Variants in KIF14 observed in about 807,000 individuals in gnomAD.
KIF14 encodes kinesin family member 14.
Under a neutral mutation model 176.2 loss-of-function variants are expected in KIF14, and 98 were observed. The observed-to-expected ratio is 0.56, with a 90% CI of 0.47 to 0.66. The LOEUF (loss-of-function observed/expected upper bound fraction) is 0.66, where lower values mean the gene tolerates loss of function less well. KIF14 is among the 30% of genes least tolerant of loss of function. The probability of loss-of-function intolerance (pLI) is 0.00; values close to 1 mark genes in which losing one functional copy is unlikely to be tolerated. For missense variants in KIF14, 1,751 were observed against 1,920.4 expected, an observed-to-expected ratio of 0.91 and a Z score of 1.65; for synonymous variants, 566 against 632.2, an observed-to-expected ratio of 0.90 and a Z score of 1.57.
At chr1:200,608,367 C>CTT (rs200778779) in intron 5 of KIF14, among the ~76,000 whole-genome samples, 240 of 141,050 alleles carry the variant, frequency 1.7e-3, no homozygotes, top group South Asian at 9.1e-3. Flanking sequence ...CGCTTCTTTT[C>CTT]TTTTTTTTTT....
rs139442968 is a variant in KIF14, at chr1:200,612,246, G to A, written c.1455+2072C>T. 4.3e-3 allele frequency among the ~76,000 whole-genome samples: 649 copies of A among 152,102 alleles called. 4 individuals carry two copies. The highest frequency in any genetic ancestry group is 0.015 in the African/African-American group (625 of 41,486). On this transcript the variant is annotated intron_variant, in intron 4 of 29. Transcript: ENST00000367350. ...TCAAACTCCTGACCTCAGGTGATCC[G>A]CCTGCCTTGGCCTCCCAAAGTGCTG...
In KIF14 at chr1:200,586,468, T is replaced by C. The variant is rs572103773; in HGVS notation, c.3115-241A>G. Reference sequence around the variant, plus strand: ...TTTACAGTACGTTTTATTAAGCCTATATAGTTAACATGTTTTATGTGCTGT... The same window carrying C: ...TTTACAGTACGTTTTATTAAGCCTACATAGTTAACATGTTTTATGTGCTGT... On this transcript the variant is annotated intron_variant, in intron 18 of 29. Transcript: ENST00000367350. Among the ~76,000 whole-genome samples the C allele has an allele frequency of 4.7e-4, 72 of 152,272 alleles. 1 individual carries two copies. In the South Asian group the frequency reaches 0.015, roughly 31 times the overall value.
Position 200,606,756 on chromosome 1 carries a change from C to CTG in KIF14, c.1596_1597insCA (p.Ala533GlnfsTer5). 1 of 1,613,426 alleles carries CTG rather than the reference C, an allele frequency of 6.2e-7. No homozygotes were observed. The highest frequency in any genetic ancestry group is 8.5e-7 in the Non-Finnish European group (1 of 1,179,668). On this transcript the variant is annotated frameshift_variant, in exon 6 of 30. Coordinates refer to ENST00000367350, the MANE Select transcript of KIF14 (RefSeq NM_014875.3). LOFTEE classifies it high-confidence loss of function. ...GAGCCAAATACTTACATTGACAGTG[C>CTG]TTCAACATATGGTCCATAAACAGGA...
Position 200,618,570 on chromosome 1 carries a change from G to A in KIF14, c.154C>T (p.Pro52Ser). Reference protein sequence around the residue: ...SDMSECENDDPLLRSAGKVRD... With the variant: ...SDMSECENDDSLLRSAGKVRD... ...ACTTTACCTGCAGATCTCAATAATGGATCATCATTTTCACATTCTGACATA... is the reference window on the plus strand; with the variant it reads ...ACTTTACCTGCAGATCTCAATAATGAATCATCATTTTCACATTCTGACATA... Residue 52 changes from proline (P) to serine (S), a missense_variant, in exon 2 of 30, where the codon CCA becomes TCA. Physicochemically the swap from Pro to Ser is moderately conservative, Grantham distance 74. Transcript: ENST00000367350. The A allele has an allele frequency of 6.2e-7, 1 of 1,614,090 alleles. No individual in the cohort carries two copies. Among genetic ancestry groups the A allele is most frequent in the Non-Finnish European group, 8.5e-7 (1 of 1,180,012 alleles).
At chr1:200,593,148 T>A (rs1208243599) in intron 15 of KIF14, among the ~76,000 whole-genome samples, 1 of 152,270 alleles carries the variant, frequency 6.6e-6, no homozygotes, top group Non-Finnish European at 1.5e-5. Context: ...GAGAGCTTAC[T>A]ATTTGCAGAT....
Position 200,553,538 on chromosome 1 carries a change from TTGATTA to T in KIF14, c.4791_4796del (p.Tyr1597_Gln1599delinsTer). On this transcript the variant is annotated stop_gained and inframe_deletion, in exon 30 of 30. Transcript: ENST00000367350. LOFTEE classifies it low-confidence loss of function (END_TRUNC). ...ATTGTTGGTGTTCTTCTTTGGTATT[TTGATTA>T]TAAGTTTCCCAGGGTTTCAACAAAT... 6.2e-7 allele frequency: 1 copy of T among 1,614,132 alleles called. No individual in the cohort carries two copies. Among genetic ancestry groups the T allele is most frequent in the Non-Finnish European group, 8.5e-7 (1 of 1,180,028 alleles).
At chr1:200,606,858 A>ATATT in intron 5 of KIF14, 60 bp from the exon 6 acceptor site, 3 of 1,313,194 alleles carry the variant, frequency 2.3e-6, no homozygotes, top group Non-Finnish European at 3.3e-6. Context: ...GTAACTTGAA[A>ATATT]TGATCACTTT....
rs777717315 is a variant in KIF14 at position 200,592,233 on chromosome 1, C to G, written c.2660G>C (p.Arg887Pro). The G allele has an allele frequency of 6.2e-7, 1 of 1,612,730 alleles. No individual in the cohort carries two copies. Among genetic ancestry groups the G allele is most frequent in the Non-Finnish European group, 8.5e-7 (1 of 1,179,538 alleles). ...ATAATGATCTCCACCAAGAATCACT[C>G]GATCACCCTAAAGCACACAAAAAAA... ...LEITVLRHGD[R>P]VILGGDHYFR... Residue 887 changes from arginine to proline, a missense_variant, in exon 16 of 30, where the codon CGA (arginine) becomes CCA (proline). Transcript: ENST00000367350.
Position 200,618,568 on chromosome 1 carries a change from T to C in KIF14, c.156A>G (p.Pro52=). Residue 52 remains proline (P), a synonymous_variant, in exon 2 of 30, where the codon CCA becomes CCG. Transcript: ENST00000367350. ...TGACTTTACCTGCAGATCTCAATAA[T>C]GGATCATCATTTTCACATTCTGACA... is the stretch of plus-strand genomic sequence containing the variant. The part of the protein sequence containing the change: ...SDMSECENDD[P]LLRSAGKVRD... The C allele has an allele frequency of 6.2e-7, 1 of 1,614,198 alleles. No individual in the cohort carries two copies. The highest frequency in any genetic ancestry group is 8.5e-7 in the Non-Finnish European group (1 of 1,180,026).
chr1:200,603,518 C>T (rs1219446933), intron 9 of KIF14, among the ~76,000 whole-genome samples, 177 bp from the exon 10 acceptor site: 2 of 152,008 alleles, frequency 1.3e-5, no homozygotes, highest in Non-Finnish European at 2.9e-5. Flanking sequence ...ATAAACATGG[C>T]TCACTGTAGC....
At chr1:200,592,017 G>T in intron 16 of KIF14, 63 bp downstream of exon 16, 3 of 1,370,350 alleles carry the variant, frequency 2.2e-6, no homozygotes, top group African/African-American at 1.5e-5. Flanking sequence ...CTGGCACAAT[G>T]TGATTAACTC....
chr1:200,569,287 G>A (rs1657649008), intron 23 of KIF14, among the ~76,000 whole-genome samples: 1 of 151,910 alleles, frequency 6.6e-6, no homozygotes, highest in Non-Finnish European at 1.5e-5. Context: ...AATTTACAGT[G>A]TATCCTCTCC....
rs869174532 is a variant in KIF14 at position 200,573,427 on chromosome 1, C to CTTTTTTTTTTTTTTTTTTTTTTTT, written c.3566+2140_3566+2163dup. ...TTCCCTACACTCAAGGAGCTCATTTCTTTTTTTTTTTTTTTTTTTTTTTTG... is the reference window on the plus strand; with the variant it reads ...TTCCCTACACTCAAGGAGCTCATTTCTTTTTTTTTTTTTTTTTTTTTTTTTTTTTTTTTTTTTTTTTTTTTTTTG... On this transcript the variant is annotated intron_variant, in intron 22 of 29. Transcript: ENST00000367350. Among the ~76,000 whole-genome samples the CTTTTTTTTTTTTTTTTTTTTTTTT allele has an allele frequency of 6.0e-4, 47 of 77,740 alleles. 5 individuals are homozygous for CTTTTTTTTTTTTTTTTTTTTTTTT. The highest frequency in any genetic ancestry group is 1.7e-3 in the African/African-American group (29 of 17,554). The allele number at this position is 77,740 out of a possible 152,430, so 51.0% of individuals were successfully genotyped here.
chr1:200,589,360 A>T lies in KIF14; in HGVS notation c.2971T>A (p.Ser991Thr). The T allele has an allele frequency of 6.2e-7, 1 of 1,603,438 alleles. No individual in the cohort carries two copies. Among genetic ancestry groups the T allele is most frequent in the African/African-American group, 1.3e-5 (1 of 74,268 alleles). ...KALEAELREE[S>T]QRKKMQEINN... Reference sequence around the variant, plus strand: ...ATTTCCTGCATTTTTTTCCTTTGAGACTCTTCTCTCTTTAAAGAACAATAA... The same window carrying T: ...ATTTCCTGCATTTTTTTCCTTTGAGTCTCTTCTCTCTTTAAAGAACAATAA... The change falls in exon 18 of 30, where the codon TCT (serine) becomes ACT (threonine). Residue 991 changes from serine to threonine, a missense_variant. Transcript: ENST00000367350.
intron 21 of KIF14, among the ~76,000 whole-genome samples, chr1:200,579,875 TAC>T (rs1658349087): frequency 6.6e-6 from 1 of 152,068 alleles, no homozygotes; most frequent in South Asian, 2.1e-4. Context: ...TGCAAAAAGG[TAC>T]ATTAGGCATA....
rs376741568 is a variant in KIF14, at chr1:200,598,195, T to C, written c.2549+42A>G. On this transcript the variant is annotated intron_variant, in intron 14 of 29. Coordinates refer to ENST00000367350, the MANE Select transcript of KIF14 (RefSeq NM_014875.3). ...AAGGAAACCACATGTTATCAAGATA[T>C]AGAACAGGTGCCTTTTCTTTTTTTT... 7.2e-6 allele frequency: 11 copies of C among 1,534,288 alleles called. No homozygotes were observed. The Admixed American group carries it at 1.5e-4, about 21-fold the overall frequency.
chr1:200,590,362 G>T, intron 16 of KIF14, 90 bp from the exon 17 acceptor site: 1 of 1,132,000 alleles, frequency 8.8e-7, no homozygotes, highest in Non-Finnish European at 1.2e-6. Flanking sequence ...GTTTTCCATT[G>T]AATGAAAGTT....
intron 23 of KIF14, among the ~76,000 whole-genome samples, chr1:200,566,017 T>C (rs1657428277): frequency 6.6e-6 from 1 of 152,184 alleles, no homozygotes; most frequent in African/African-American, 2.4e-5. Flanking sequence ...TTCAAACAAA[T>C]GTTTTATTGC....
intron 13 of KIF14, among the ~76,000 whole-genome samples, chr1:200,599,408 CT>C (rs1302198217): frequency 7.2e-5 from 11 of 152,296 alleles, no homozygotes; most frequent in Non-Finnish European, 1.3e-4. Flanking sequence ...AGAATGTGCT[CT>C]TCCTTTTCTC....
Sources: allele counts gnomAD v4.1 joint callset (sites outside exome capture counted in the v4.1 genomes callset), GRCh38; gene constraint gnomAD v4.1.1; transcripts MANE v1.5; gene names NCBI Gene and HGNC (gene_info 2026-07-23, HGNC 2026-07-21).